ITGA11: variants seen among roughly 807,000 people sequenced by gnomAD.
The protein encoded by ITGA11 is integrin alpha-11.
Under a neutral mutation model 141.9 loss-of-function variants are expected in ITGA11, and 97 were observed. That is an observed-to-expected ratio of 0.68 (90% CI 0.58 to 0.81). The LOEUF is 0.81. Among genes scored for constraint, ITGA11 ranks in the 30% least tolerant of loss-of-function variants. The pLI is 0.00. For synonymous variants in ITGA11, 658 were observed against 624.6 expected, an observed-to-expected ratio of 1.05 and a Z score of -0.80; for missense variants, 1,387 against 1,559.2, an observed-to-expected ratio of 0.89 and a Z score of 1.86.
At position 68,326,818 on chromosome 15, in the gene ITGA11, G is replaced by C; in HGVS notation, c.2069-22C>G. 6.4e-7 allele frequency: 1 copy of C among 1,566,174 alleles called. No individual in the cohort carries two copies. Among genetic ancestry groups the C allele is most frequent in the South Asian group, 1.2e-5 (1 of 84,786 alleles). On this transcript the variant is annotated intron_variant, in intron 16 of 29. Coordinates refer to ENST00000315757, the MANE Select transcript of ITGA11 (RefSeq NM_001004439.2). The surrounding 1 kb of genome is among the most constrained non-coding windows in gnomAD (Gnocchi z 6.8). ...ATGCCTGCAGGAGGGGAGAGGGCAAGACCACAAAGGTGGAGCCACATGCCC... is the reference window on the plus strand; with the variant it reads ...ATGCCTGCAGGAGGGGAGAGGGCAACACCACAAAGGTGGAGCCACATGCCC...
chr15:68,379,680 G>T (rs1235095540), intron 2 of ITGA11, among the ~76,000 whole-genome samples: 3 of 152,186 alleles, frequency 2.0e-5, no homozygotes, highest in African/African-American at 7.2e-5. Flanking sequence ...AGAGAGGCTG[G>T]ACATGCAATG....
At chr15:68,342,363 C>T (rs372238464) in intron 10 of ITGA11, among the ~76,000 whole-genome samples, 9 of 152,220 alleles carry the variant, frequency 5.9e-5, no homozygotes, top group East Asian at 3.9e-4. Flanking sequence ...TGGCCTTGCA[C>T]GAGGGGACCT....
intron 1 of ITGA11, among the ~76,000 whole-genome samples, chr15:68,420,935 G>A (rs943789839): frequency 4.6e-5 from 7 of 152,026 alleles, no homozygotes; most frequent in African/African-American, 1.7e-4. Context: ...AATGCATGCA[G>A]GGGGGTTGAA....
At chr15:68,402,297 T>A (rs1896531392) in intron 2 of ITGA11, among the ~76,000 whole-genome samples, 1 of 152,078 alleles carries the variant, frequency 6.6e-6, no homozygotes, top group African/African-American at 2.4e-5. Context: ...ATAAAAATAT[T>A]CTAAAACTGA....
At chr15:68,409,919 C>T (rs1896735806) in intron 1 of ITGA11, among the ~76,000 whole-genome samples, 1 of 152,212 alleles carries the variant, frequency 6.6e-6, no homozygotes, top group Non-Finnish European at 1.5e-5. Context: ...TCTTCCTCTG[C>T]CCTTTCAGAC....
Position 68,346,862 on chromosome 15 carries a change from T to TC in ITGA11, c.1131+1967dup, listed in dbSNP as rs1340139884. Among the ~76,000 whole-genome samples the TC allele has an allele frequency of 3.9e-5, 6 of 152,032 alleles. No individual in the cohort carries two copies. The East Asian group carries it at 1.2e-3, about 29-fold the overall frequency. On this transcript the variant is annotated intron_variant, in intron 10 of 29. Transcript: ENST00000315757. ...GGTTAACATTAGACATGTGCATGTC[T>TC]CCCCCTATCCCCTGCATTGAGCAGG...
chr15:68,411,260 T>G (rs985179879), intron 1 of ITGA11, among the ~76,000 whole-genome samples: 1 of 152,186 alleles, frequency 6.6e-6, no homozygotes, highest in African/African-American at 2.4e-5. Flanking sequence ...AAAAATGTGT[T>G]GAGTTAAAGT....
At chr15:68,377,144 A>T (rs1895749191) in intron 2 of ITGA11, among the ~76,000 whole-genome samples, 1 of 152,238 alleles carries the variant, frequency 6.6e-6, no homozygotes, top group Admixed American at 6.5e-5. Flanking sequence ...ATAAGAAAAT[A>T]TGTAATAAAT....
chr15:68,318,385 G>A (rs964339584), intron 20 of ITGA11, among the ~76,000 whole-genome samples: 2 of 152,198 alleles, frequency 1.3e-5, no homozygotes, highest in East Asian at 1.9e-4. Context: ...GGGGAAGGCG[G>A]ATGCTGGTGT....
rs1436140845 is a variant in ITGA11, at chr15:68,299,724, C to T, written c.*3335G>A. 1 of 152,178 alleles carries T rather than the reference C, an allele frequency of 6.6e-6. No homozygotes were observed. The highest frequency in any genetic ancestry group is 2.4e-5 in the African/African-American group (1 of 41,438). 9.4% of individuals were successfully genotyped at this position (152,178 alleles called of 1,614,324 possible). A position where few individuals can be genotyped will look rare whatever the true frequency, so the allele number is the denominator to read the frequency against. ...ACTGACTCAAGTCTAATGTCTTATT[C>T]TCAGACAGTATTGATGCTAAAACCT... On this transcript the variant is annotated 3_prime_UTR_variant, in exon 30 of 30. Coordinates refer to ENST00000315757, the MANE Select transcript of ITGA11 (RefSeq NM_001004439.2).
chr15:68,338,668 G>A (rs1324905564), intron 11 of ITGA11, among the ~76,000 whole-genome samples: 3 of 152,256 alleles, frequency 2.0e-5, no homozygotes, highest in Non-Finnish European at 2.9e-5. Context: ...AACGAGCTGA[G>A]GAACAAAGGT....
At chr15:68,367,933 C>T (rs1021826775) in intron 3 of ITGA11, among the ~76,000 whole-genome samples, 1 of 152,202 alleles carries the variant, frequency 6.6e-6, no homozygotes, top group African/African-American at 2.4e-5. Flanking sequence ...AACCATATGC[C>T]ACCAACCAGG....
In ITGA11 at chr15:68,369,171, C is replaced by T. The variant is rs1254969609; in HGVS notation, c.265+13G>A. On this transcript the variant is annotated intron_variant, in intron 3 of 29. Transcript: ENST00000315757. Reference sequence around the variant, plus strand: ...GCTGGCCTCATTGTGAAGAGACCACCAGCCCACGTTACCCAGGTTGAGTTT... The same window carrying T: ...GCTGGCCTCATTGTGAAGAGACCACTAGCCCACGTTACCCAGGTTGAGTTT... 1 of 1,599,934 alleles carries T rather than the reference C, an allele frequency of 6.3e-7. No individual in the cohort carries two copies. The highest frequency in any genetic ancestry group is 1.1e-5 in the South Asian group (1 of 90,794).
rs147242213 is a variant in ITGA11, at chr15:68,342,717, G to A, written c.1132-3073C>T. Among the ~76,000 whole-genome samples, 41 of 152,348 alleles carry A rather than the reference G, an allele frequency of 2.7e-4. 1 individual carries two copies. The highest frequency in any genetic ancestry group is 1.2e-3 in the East Asian group (6 of 5,186). On this transcript the variant is annotated intron_variant, in intron 10 of 29. Coordinates refer to ENST00000315757, the MANE Select transcript of ITGA11 (RefSeq NM_001004439.2). ...TGGTCTAGGGCAGTGCTGCTCAGCC[G>A]GGGCAGGTTTGTGCCCTAGGTGATA...
intron 20 of ITGA11, among the ~76,000 whole-genome samples, chr15:68,318,524 G>A (rs1893674326): frequency 6.6e-6 from 1 of 152,216 alleles, no homozygotes; most frequent in Admixed American, 6.5e-5. Flanking sequence ...CAGTGGAGAG[G>A]GAGTGGGATT....
intron 26 of ITGA11, among the ~76,000 whole-genome samples, chr15:68,309,141 AAGC>A: frequency 6.6e-6 from 1 of 152,364 alleles, no homozygotes; most frequent in Admixed American, 6.5e-5. Context: ...CCTGAAGACA[AAGC>A]ACAAAAAAAG....
At chr15:68,358,181 A>G (rs969542820) in intron 6 of ITGA11, among the ~76,000 whole-genome samples, 3 of 151,924 alleles carry the variant, frequency 2.0e-5, no homozygotes, top group Non-Finnish European at 2.9e-5. Flanking sequence ...AACCATTCCC[A>G]CCTTCCTTGT....
intron 1 of ITGA11, among the ~76,000 whole-genome samples, chr15:68,413,030 G>T (rs181978465): frequency 2.0e-5 from 3 of 152,104 alleles, no homozygotes; most frequent in Non-Finnish European, 4.4e-5. Context: ...TAATCTATTA[G>T]CCTCCAAACT....
intron 2 of ITGA11, 87 bp from the exon 3 acceptor site, chr15:68,369,371 GAAGTTGGGT>G: frequency 5.4e-6 from 1 of 185,088 alleles, no homozygotes; most frequent in Non-Finnish European, 1.1e-5. Context: ...GTGTGGAGGT[GAAGTTGGGT>G]GGGGAGGGTG....
Sources: allele counts gnomAD v4.1 joint callset (sites outside exome capture counted in the v4.1 genomes callset), GRCh38; gene constraint gnomAD v4.1.1; non-coding constraint Gnocchi (gnomAD v3.1); transcripts MANE v1.5; gene names NCBI Gene and HGNC (gene_info 2026-07-23, HGNC 2026-07-21).